The following EXD1 variants were observed in gnomAD, a reference collection of about 807,000 sequenced individuals.
The protein encoded by EXD1 is piRNA biogenesis protein EXD1.
Under a neutral mutation model 49.1 loss-of-function variants are expected in EXD1, and 63 were observed. That is an observed-to-expected ratio of 1.28 (90% CI 1.05 to 1.58). The LOEUF (loss-of-function observed/expected upper bound fraction) is 1.58, where lower values mean the gene tolerates loss of function less well. EXD1 is among the 40% of genes most tolerant of loss of function. The probability of loss-of-function intolerance (pLI) is 0.00; values close to 1 mark genes in which losing one functional copy is unlikely to be tolerated. For synonymous variants in EXD1, 234 were observed against 239.2 expected (o/e 0.98, Z 0.20); for missense variants, 748 against 666.0 (o/e 1.12, Z -1.36).
chr15:41,207,542 CA>C (rs201663152), intron 7 of EXD1, among the ~76,000 whole-genome samples: 9 of 145,732 alleles, frequency 6.2e-5, no homozygotes, highest in South Asian at 2.2e-4. Flanking sequence ...AATTTCATCT[CA>C]AAAAAAAAAT....
intron 5 of EXD1, among the ~76,000 whole-genome samples, chr15:41,216,076 G>A (rs1426600348): frequency 6.6e-6 from 1 of 151,978 alleles, no homozygotes; most frequent in Admixed American, 6.6e-5. Context: ...TCAGTAAGGG[G>A]AGGGATACCA....
At chr15:41,221,866 C>G (rs904213575) in intron 2 of EXD1, among the ~76,000 whole-genome samples, 31 of 151,864 alleles carry the variant, frequency 2.0e-4, no homozygotes, top group African/African-American at 7.0e-4. Flanking sequence ...ACTTGAGAGG[C>G]TGAGGCGGGT....
intron 2 of EXD1, among the ~76,000 whole-genome samples, chr15:41,222,693 C>T (rs1325399068): frequency 1.4e-5 from 2 of 143,482 alleles, no homozygotes; most frequent in Non-Finnish European, 3.0e-5. Context: ...AATCTCAGCA[C>T]TTTGGGAGGC....
intron 2 of EXD1, among the ~76,000 whole-genome samples, chr15:41,222,385 A>G (rs1395460055): frequency 6.6e-6 from 1 of 150,980 alleles, no homozygotes; most frequent in African/African-American, 2.4e-5. Flanking sequence ...CAAAGTGCTG[A>G]GATTATAGGC....
intron 7 of EXD1, among the ~76,000 whole-genome samples, chr15:41,196,466 G>A (rs1056078529): frequency 9.9e-5 from 15 of 151,828 alleles, no homozygotes; most frequent in African/African-American, 2.9e-4. Flanking sequence ...ACAGGTGCAC[G>A]CCACCATGCC....
chr15:41,195,982 G>A lies in EXD1; in HGVS notation c.590C>T (p.Ala197Val), dbSNP rs898976878. 6 of 1,613,306 alleles carry A rather than the reference G, an allele frequency of 3.7e-6. No individual in the cohort carries two copies. The highest frequency in any genetic ancestry group is 5.1e-6 in the Non-Finnish European group (6 of 1,179,876). ...LFDIFLLGSR[A>V]FHNGLQMILE... is the part of the protein sequence containing the mutation. Reference sequence around the variant, plus strand: ...TATCATCTGAAGTCCATTGTGGAAAGCTCGACTTCCCAGAAGGAAAATGTC... The same window carrying A: ...TATCATCTGAAGTCCATTGTGGAAAACTCGACTTCCCAGAAGGAAAATGTC... The change falls in exon 8 of 12, where the codon GCT (alanine) becomes GTT (valine). Residue 197 changes from alanine (A) to valine (V), a missense_variant. Ala to Val is a moderately conservative substitution (Grantham distance 64). Transcript: ENST00000458580.
At chr15:41,187,553 TG>T (rs752370834) in intron 11 of EXD1, among the ~76,000 whole-genome samples, 1 of 152,198 alleles carries the variant, frequency 6.6e-6, no homozygotes. Flanking sequence ...ATTCCAACTT[TG>T]ACCAATAATG....
chr15:41,226,337 T>G, intron 2 of EXD1, 106 bp downstream of exon 2: 1 of 1,071,776 alleles, frequency 9.3e-7, no homozygotes, highest in South Asian at 1.5e-5. Flanking sequence ...TCCCACACTT[T>G]ACCTAAAATA....
Position 41,211,237 on chromosome 15 carries a change from G to T in EXD1, c.448-1650C>A, listed in dbSNP as rs1595448913. 4.0e-5 allele frequency among the ~76,000 whole-genome samples: 6 copies of T among 151,716 alleles called. 1 individual carries two copies. In the South Asian group the frequency reaches 1.3e-3, roughly 32 times the overall value. ...GCTGATCCTCTCATCTCAGCCTCCCGGGTAGCTGAAACTACAGACCTGTGC... is the reference window on the plus strand; with the variant it reads ...GCTGATCCTCTCATCTCAGCCTCCCTGGTAGCTGAAACTACAGACCTGTGC... On this transcript the variant is annotated intron_variant, in intron 6 of 11. Transcript: ENST00000458580.
intron 7 of EXD1, among the ~76,000 whole-genome samples, chr15:41,199,722 T>TA (rs1555414678): frequency 9.5e-5 from 9 of 94,598 alleles, no homozygotes; most frequent in African/African-American, 2.9e-4. Flanking sequence ...ATATGATATA[T>TA]TATATATGAT....
chr15:41,192,594 A>ATTTTTTTTTTTTTTT lies in EXD1; in HGVS notation c.721-1024_721-1010dup, dbSNP rs59054803. Among the ~76,000 whole-genome samples the ATTTTTTTTTTTTTTT allele has an allele frequency of 6.4e-4, 26 of 40,878 alleles. 11 individuals are homozygous for ATTTTTTTTTTTTTTT. The highest frequency in any genetic ancestry group is 1.3e-3 in the Admixed American group (4 of 3,026). 26.8% of individuals were successfully genotyped at this position (40,878 alleles called of 152,430 possible). ...ACAGGCGTGAACCACTGCGCCAGGCATTTTTTTTTTTTTTTTTTTTTTTTT... is the reference window on the plus strand; with the variant it reads ...ACAGGCGTGAACCACTGCGCCAGGCATTTTTTTTTTTTTTTTTTTTTTTTTTTTTTTTTTTTTTTT... On this transcript the variant is annotated intron_variant, in intron 9 of 11. Transcript: ENST00000458580.
chr15:41,215,971 C>G lies in EXD1; in HGVS notation c.389-138G>C, dbSNP rs916602085. 3.0e-5 allele frequency: 21 copies of G among 706,012 alleles called. No homozygotes were observed. The Admixed American group carries it at 4.3e-4, about 14-fold the overall frequency. The allele number at this position is 706,012 out of a possible 1,614,324, so 43.7% of individuals were successfully genotyped here. A position where few individuals can be genotyped will look rare whatever the true frequency, so the allele number is the denominator to read the frequency against. On this transcript the variant is annotated intron_variant, in intron 5 of 11. Transcript: ENST00000458580. ...TAAAATTGCAAAACCACCCTCCCTA[C>G]GTACTACTTCTCTTCCTTTTTTTTC...
chr15:41,225,226 A>C lies in EXD1; in HGVS notation c.133+1217T>G, dbSNP rs556480321. On this transcript the variant is annotated intron_variant, in intron 2 of 11. Transcript: ENST00000458580. ...ATTTAACCCCTTACTGTATGAACTCAACTGCTGAAGTCAAAAACAATTCTA... is the reference window on the plus strand; with the variant it reads ...ATTTAACCCCTTACTGTATGAACTCCACTGCTGAAGTCAAAAACAATTCTA... Among the ~76,000 whole-genome samples, 3 of 152,332 alleles carry C rather than the reference A, an allele frequency of 2.0e-5. No individual in the cohort carries two copies. The South Asian group carries it at 6.2e-4, about 32-fold the overall frequency.
At chr15:41,209,102 T>G (rs2046880141) in intron 7 of EXD1, among the ~76,000 whole-genome samples, 1 of 151,906 alleles carries the variant, frequency 6.6e-6, no homozygotes, top group African/African-American at 2.4e-5. Context: ...ACAATGACAC[T>G]AGGGTGACAG....
intron 7 of EXD1, among the ~76,000 whole-genome samples, chr15:41,208,022 A>AG (rs1566986365): frequency 6.6e-6 from 1 of 151,720 alleles, no homozygotes; most frequent in African/African-American, 2.4e-5. Context: ...AAAAAAAAAA[A>AG]AAAGAAAGAG....
At chr15:41,209,186 G>A (rs1203415323) in intron 7 of EXD1, among the ~76,000 whole-genome samples, 2 of 152,084 alleles carry the variant, frequency 1.3e-5, no homozygotes, top group Non-Finnish European at 2.9e-5. Flanking sequence ...TGACTAGGGG[G>A]GCTAAAGCAA....
At chr15:41,216,421 CG>C (rs1175028200) in intron 5 of EXD1, among the ~76,000 whole-genome samples, 1 of 151,960 alleles carries the variant, frequency 6.6e-6, no homozygotes, top group Non-Finnish European at 1.5e-5. Context: ...CACCTGAGGT[CG>C]GGAGTTCGAG....
At position 41,230,596 on chromosome 15, in the gene EXD1, TAAAA is replaced by T; in HGVS notation, c.-175_-172del. ...CGTTCCTCGAACTTCAGTCTAGAACTAAAAGAAGAGGGGCTGCAATGAAGGAAGA... is the reference window on the plus strand; with the variant it reads ...CGTTCCTCGAACTTCAGTCTAGAACTGAAGAGGGGCTGCAATGAAGGAAGA... On this transcript the variant is annotated 5_prime_UTR_variant, in exon 1 of 12. Coordinates refer to ENST00000458580, the MANE Select transcript of EXD1 (RefSeq NM_001286441.2). The T allele has an allele frequency of 6.3e-7, 1 of 1,588,956 alleles. No homozygotes were observed. The highest frequency in any genetic ancestry group is 1.1e-5 in the South Asian group (1 of 89,990).
rs2047228687 is a variant in EXD1, at chr15:41,230,681, C to T, written c.-256G>A. On this transcript the variant is annotated 5_prime_UTR_variant, in exon 1 of 12. Transcript: ENST00000458580. The stretch of plus-strand genomic sequence containing the variant: ...CGGTTATCAAATCACAGGCTGAAAA[C>T]CTGGAGAAAGGTCCGCGACGCCGGG... 2 of 951,452 alleles carry T rather than the reference C, an allele frequency of 2.1e-6. No individual in the cohort carries two copies. Among genetic ancestry groups the T allele is most frequent in the Admixed American group, 5.5e-5 (2 of 36,598 alleles). 58.9% of individuals were successfully genotyped at this position (951,452 alleles called of 1,614,324 possible).
Sources: allele counts gnomAD v4.1 joint callset (sites outside exome capture counted in the v4.1 genomes callset), GRCh38; gene constraint gnomAD v4.1.1; transcripts MANE v1.5; gene names NCBI Gene and HGNC (gene_info 2026-07-23, HGNC 2026-07-21).